ZNF74: variants seen among roughly 807,000 people sequenced by gnomAD.
The protein encoded by ZNF74 is zinc finger protein 74.
A neutral mutation model predicts 17.7 loss-of-function variants in ZNF74; 12 were observed. The ratio of observed to expected loss-of-function variants is 0.68; its 90% CI spans 0.43 to 1.10. The LOEUF (loss-of-function observed/expected upper bound fraction) is 1.10, where lower values mean the gene tolerates loss of function less well. ZNF74 is among the 50% of genes least tolerant of loss of function. The pLI, the probability that ZNF74 is intolerant of heterozygous loss-of-function variation, is 0.00. For synonymous variants in ZNF74, 358 were observed against 362.1 expected, an observed-to-expected ratio of 0.99 and a Z score of 0.13; for missense variants, 811 against 881.0, an observed-to-expected ratio of 0.92 and a Z score of 1.01.
At chr22:20,397,307 C>T (rs939011075) in intron 2 of ZNF74, among the ~76,000 whole-genome samples, 2 of 152,228 alleles carry the variant, frequency 1.3e-5, no homozygotes, top group African/African-American at 4.8e-5. Context: ...CTGCATGCCT[C>T]AGTTAGGGGT....
rs1173456275 is a variant in ZNF74 at position 20,407,070 on chromosome 22, G to A, written c.*102G>A. The A allele has an allele frequency of 2.7e-6, 4 of 1,457,176 alleles. No homozygotes were observed. In the African/African-American group the frequency reaches 4.3e-5, roughly 16 times the overall value. 90.3% of individuals were successfully genotyped at this position (1,457,176 alleles called of 1,614,324 possible). A position where few individuals can be genotyped will look rare whatever the true frequency, so the allele number is the denominator to read the frequency against. On this transcript the variant is annotated 3_prime_UTR_variant, in exon 5 of 5. Transcript: ENST00000400451. ...AGATCCAGACCACCTTCCTCCAGGT[G>A]TGGGAGCCTTGCCTTATCACCCCCA... is the stretch of plus-strand genomic sequence containing the variant.
At chr22:20,394,991 G>C (rs2052276133) in intron 1 of ZNF74, 1 of 434,728 alleles carries the variant, frequency 2.3e-6, no homozygotes, top group East Asian at 4.2e-5. Flanking sequence ...AAGCTCAAGC[G>C]ATCCGCCCGC....
At chr22:20,400,142 G>T (rs1161583647) in intron 2 of ZNF74, 1 of 164,460 alleles carries the variant, frequency 6.1e-6, no homozygotes, top group African/African-American at 2.4e-5. Context: ...CACAGAACTT[G>T]CTGATATATA....
At chr22:20,397,718 T>C (rs2052311208) in intron 2 of ZNF74, among the ~76,000 whole-genome samples, 2 of 152,200 alleles carry the variant, frequency 1.3e-5, no homozygotes, top group Non-Finnish European at 2.9e-5. Flanking sequence ...TTTTTATTGG[T>C]GAGTAATATT....
intron 1 of ZNF74, chr22:20,395,068 C>G: frequency 2.2e-6 from 1 of 461,100 alleles, no homozygotes; most frequent in East Asian, 3.7e-5. Context: ...CTTCTTTCTT[C>G]CCCGCGCCCA....
chr22:20,400,303 T>C (rs921469663), intron 2 of ZNF74: 20 of 262,256 alleles, frequency 7.6e-5, no homozygotes, highest in South Asian at 3.3e-4. Context: ...CCAGGAAGCA[T>C]AGCATCTCAC....
rs763422465 is a variant in ZNF74, at chr22:20,406,747, A to T, written c.1714A>T (p.Thr572Ser). Residue 572 changes from threonine (T) to serine (S), a missense_variant, in exon 5 of 5, where the codon ACT (threonine) becomes TCT (serine). By Grantham distance (58) the Thr-to-Ser change is moderately conservative (BLOSUM62 1). This residue lies in a region of ZNF74 where 115 missense variants were observed against 119.5 expected (regional missense o/e 0.96). Coordinates refer to ENST00000400451, the MANE Select transcript of ZNF74 (RefSeq NM_003426.4). ...GEMFNWSSHLTEHQRLHSEGK... is the reference protein window; with the variant it reads ...GEMFNWSSHLSEHQRLHSEGK... ...GATGTTCAACTGGAGCTCGCACCTC[A>T]CTGAGCACCAGAGGCTGCACAGCGA... 18 of 1,614,052 alleles carry T rather than the reference A, an allele frequency of 1.1e-5. No individual in the cohort carries two copies. Among genetic ancestry groups the T allele is most frequent in the Non-Finnish European group, 8.5e-6 (10 of 1,180,044 alleles).
chr22:20,398,662 T>C (rs1036389294), intron 2 of ZNF74, among the ~76,000 whole-genome samples: 2 of 152,206 alleles, frequency 1.3e-5, no homozygotes, highest in African/African-American at 4.8e-5. Flanking sequence ...TTGATTTTTC[T>C]CTATTTTCTG....
chr22:20,399,784 T>C, intron 2 of ZNF74: 1 of 206,058 alleles, frequency 4.9e-6, no homozygotes, highest in South Asian at 6.0e-5. Context: ...TTATGTCTTT[T>C]TTGTTTCTCA....
intron 4 of ZNF74, among the ~76,000 whole-genome samples, chr22:20,404,451 C>T (rs1343007212): frequency 6.6e-6 from 1 of 152,142 alleles, no homozygotes; most frequent in African/African-American, 2.4e-5. Flanking sequence ...CCTCAGCCTC[C>T]TGAGTAGCTG....
At position 20,405,658 on chromosome 22, in the gene ZNF74, G is replaced by A. The variant is rs1349082890; in HGVS notation, c.625G>A (p.Gly209Ser). ...ACGCAAGAACGTCCAGGCCACTGAG[G>A]GCAGAACCAAGGCCCCCGCGAGACT... ...DTRKNVQATEGRTKAPARLCA... is the reference protein window; with the variant it reads ...DTRKNVQATESRTKAPARLCA... Residue 209 changes from glycine (G) to serine (S), a missense_variant, in exon 5 of 5, where the codon GGC (glycine) becomes AGC (serine). Physicochemically the swap from Gly to Ser is moderately conservative, Grantham distance 56. Transcript: ENST00000400451. 1 of 1,612,440 alleles carries A rather than the reference G, an allele frequency of 6.2e-7. No individual in the cohort carries two copies. Among genetic ancestry groups the A allele is most frequent in the Non-Finnish European group, 8.5e-7 (1 of 1,179,342 alleles).
intron 2 of ZNF74, among the ~76,000 whole-genome samples, chr22:20,395,930 C>A (rs2146088857): frequency 6.6e-6 from 1 of 152,248 alleles, no homozygotes; most frequent in South Asian, 2.1e-4. Flanking sequence ...GGCATGGGGC[C>A]TTCATGGAGA....
Position 20,401,517 on chromosome 22 carries a change from T to G in ZNF74, c.343+145T>G. The G allele has an allele frequency of 1.6e-6, 1 of 640,360 alleles. No individual in the cohort carries two copies. Among genetic ancestry groups the G allele is most frequent in the South Asian group, 1.9e-5 (1 of 53,964 alleles). 39.7% of individuals were successfully genotyped at this position (640,360 alleles called of 1,614,324 possible). On this transcript the variant is annotated intron_variant, in intron 4 of 4. Transcript: ENST00000400451. This position sits in a 1 kb window ranked among gnomAD's most constrained non-coding sequence, Gnocchi z 4.2. ...CGCCAGACCCTCCTGCCTGCCTCCC[T>G]TCAGCACGTACTGAGCACTGCCTGT...
At chr22:20,402,438 G>A (rs12628614) in intron 4 of ZNF74, among the ~76,000 whole-genome samples, 5,163 of 152,232 alleles carry the variant, frequency 0.034, 196 homozygotes, top group African/African-American at 0.095. Flanking sequence ...ACCCAGAGAT[G>A]ACGGTTCTCT....
chr22:20,406,266 C>A lies in ZNF74; in HGVS notation c.1233C>A (p.Ser411Arg). ...SSLTVHEKIHSGDKPFKCSDC... is the reference protein window; with the variant it reads ...SSLTVHEKIHRGDKPFKCSDC... ...TCACCGTGCATGAGAAGATCCACAG[C>A]GGGGACAAGCCGTTCAAGTGCAGCG... The change falls in exon 5 of 5, where the codon AGC (serine) becomes AGA (arginine). Residue 411 changes from serine (S) to arginine (R), a missense_variant. Ser to Arg is a moderately radical substitution (Grantham distance 110). Around this residue, in one of 3 missense-constraint regions of ZNF74, gnomAD observed 666 missense variants for 702.3 expected, o/e 0.95. Transcript: ENST00000400451. The A allele has an allele frequency of 6.2e-7, 1 of 1,610,782 alleles. No homozygotes were observed. The highest frequency in any genetic ancestry group is 8.5e-7 in the Non-Finnish European group (1 of 1,179,708).
Position 20,401,510 on chromosome 22 carries a change from G to C in ZNF74, c.343+138G>C. 1 of 646,580 alleles carries C rather than the reference G, an allele frequency of 1.5e-6. No homozygotes were observed. The highest frequency in any genetic ancestry group is 2.8e-6 in the Non-Finnish European group (1 of 358,590). The allele number at this position is 646,580 out of a possible 1,614,324, so 40.1% of individuals were successfully genotyped here. A position where few individuals can be genotyped will look rare whatever the true frequency, so the allele number is the denominator to read the frequency against. On this transcript the variant is annotated intron_variant, in intron 4 of 4. Transcript: ENST00000400451. This position sits in a 1 kb window ranked among gnomAD's most constrained non-coding sequence, Gnocchi z 4.2. Reference sequence around the variant, plus strand: ...GGTCCCCCGCCAGACCCTCCTGCCTGCCTCCCTTCAGCACGTACTGAGCAC... The same window carrying C: ...GGTCCCCCGCCAGACCCTCCTGCCTCCCTCCCTTCAGCACGTACTGAGCAC...
At position 20,405,795 on chromosome 22, in the gene ZNF74, G is replaced by A; in HGVS notation, c.762G>A (p.Gly254=). Residue 254 remains glycine (G), a synonymous_variant, in exon 5 of 5, where the codon GGG becomes GGA. Transcript: ENST00000400451. ...GCGAGTTCGTGTGCGGCGAGTGCGG[G>A]AAGGCGTTCCGCCAGAGCTCCTCCC... ...GEGEFVCGEC[G]KAFRQSSSLT... is the part of the protein sequence containing the mutation. 6.2e-7 allele frequency: 1 copy of A among 1,612,012 alleles called. No homozygotes were observed. The highest frequency in any genetic ancestry group is 8.5e-7 in the Non-Finnish European group (1 of 1,179,522).
chr22:20,406,120 G>T lies in ZNF74; in HGVS notation c.1087G>T (p.Gly363Cys), dbSNP rs373813994. 6.1e-5 allele frequency: 99 copies of T among 1,612,492 alleles called. No homozygotes were observed. Among genetic ancestry groups the T allele is most frequent in the Non-Finnish European group, 8.1e-5 (95 of 1,179,602 alleles). ...VHTGEKPYRC[G>C]ECGKAFNQRT... is the part of the protein sequence containing the mutation. ...CACCGGCGAGAAGCCCTACCGGTGC[G>T]GCGAGTGCGGCAAGGCCTTCAACCA... The change falls in exon 5 of 5, where the codon GGC (glycine) becomes TGC (cysteine). Residue 363 changes from glycine to cysteine, a missense_variant. By Grantham distance (159) the Gly-to-Cys change is radical. This residue lies in a region of ZNF74 where 666 missense variants were observed against 702.3 expected (regional missense o/e 0.95). Coordinates refer to ENST00000400451, the MANE Select transcript of ZNF74 (RefSeq NM_003426.4).
intron 2 of ZNF74, among the ~76,000 whole-genome samples, chr22:20,398,928 A>G (rs1038938486): frequency 2.0e-5 from 3 of 150,094 alleles, no homozygotes; most frequent in African/African-American, 7.3e-5. Flanking sequence ...CTTCAGCCAT[A>G]TGTTATTTCA....
Sources: allele counts gnomAD v4.1 joint callset (sites outside exome capture counted in the v4.1 genomes callset), GRCh38; gene constraint gnomAD v4.1.1; regional missense constraint gnomAD v4.1.1; non-coding constraint Gnocchi (gnomAD v3.1); transcripts MANE v1.5; gene names NCBI Gene and HGNC (gene_info 2026-07-23, HGNC 2026-07-21).